The following CAPZB variants were observed in gnomAD, a reference collection of about 807,000 sequenced individuals.
CAPZB encodes capping actin protein of muscle Z-line subunit beta, also known as F-actin-capping protein subunit beta.
CAPZB carries 2 observed loss-of-function variants against 38.1 expected under a neutral mutation model. That is an observed-to-expected ratio of 0.05 (90% CI 0.02 to 0.17). CAPZB has a LOEUF of 0.17. Ranked by LOEUF, CAPZB falls within the 10% of genes least tolerant of loss-of-function variation. The pLI is 1.00. For missense variants in CAPZB, 161 were observed against 334.2 expected, an observed-to-expected ratio of 0.48 and a Z score of 4.04; for synonymous variants, 107 against 127.4, an observed-to-expected ratio of 0.84 and a Z score of 1.08.
chr1:19,463,700 G>C (rs1037566332), intron 1 of CAPZB, among the ~76,000 whole-genome samples: 2 of 152,118 alleles, frequency 1.3e-5, no homozygotes, highest in African/African-American at 4.8e-5. Context: ...AGACCACTTG[G>C]CACCCTTAGC....
At chr1:19,394,875 G>A (rs1250930574) in intron 2 of CAPZB, among the ~76,000 whole-genome samples, 1 of 152,176 alleles carries the variant, frequency 6.6e-6, no homozygotes. Flanking sequence ...AGAAGCTGTA[G>A]TTTGAATTTT....
At chr1:19,449,302 C>A (rs1384885151) in intron 1 of CAPZB, 11 of 1,035,088 alleles carry the variant, frequency 1.1e-5, no homozygotes, top group East Asian at 1.5e-4. Context: ...ACTGGCCTGG[C>A]GAGATGCGAG....
chr1:19,485,483 T>TCC lies in CAPZB; in HGVS notation c.-47_-46dup. The TCC allele has an allele frequency of 8.2e-7, 1 of 1,224,046 alleles. No individual in the cohort carries two copies. 75.8% of individuals were successfully genotyped at this position (1,224,046 alleles called of 1,614,324 possible). ...GTCCCGGTCCCGGCGTCAGTGGCTC[T>TCC]CCCCCCCGCAGCAGGGCCCGGCGCT... On this transcript the variant is annotated 5_prime_UTR_variant, in exon 1 of 9. An upstream open reading frame in the 5' UTR gains an earlier in-frame stop. Transcript: ENST00000264202.
chr1:19,372,175 C>A (rs2094122837), intron 4 of CAPZB, among the ~76,000 whole-genome samples: 1 of 152,246 alleles, frequency 6.6e-6, no homozygotes. Context: ...TACCCTCCCA[C>A]CCTGCTCCTC....
intron 1 of CAPZB, among the ~76,000 whole-genome samples, chr1:19,478,113 C>T (rs1342911314): frequency 1.3e-5 from 2 of 152,150 alleles, no homozygotes; most frequent in African/African-American, 4.8e-5. Flanking sequence ...TTCCAAGCTG[C>T]AATGTGGTAA....
intron 1 of CAPZB, among the ~76,000 whole-genome samples, chr1:19,421,808 G>A (rs913867443): frequency 2.0e-5 from 3 of 152,210 alleles, no homozygotes; most frequent in Admixed American, 2.0e-4. Flanking sequence ...ATCTTCCTTA[G>A]AGAGTGACAA....
chr1:19,359,495 C>A (rs1007442089), intron 4 of CAPZB, among the ~76,000 whole-genome samples: 10 of 152,170 alleles, frequency 6.6e-5, no homozygotes, highest in African/African-American at 9.7e-5. Flanking sequence ...CCAGCCCCTG[C>A]GGCAGGACCA....
At chr1:19,342,857 C>T in intron 8 of CAPZB, 1 of 1,593,276 alleles carries the variant, frequency 6.3e-7, no homozygotes, top group South Asian at 1.1e-5. Flanking sequence ...GGGATAGCAT[C>T]AATAGATCTA....
At chr1:19,360,112 T>A (rs1326131968) in intron 4 of CAPZB, among the ~76,000 whole-genome samples, 1 of 152,218 alleles carries the variant, frequency 6.6e-6, no homozygotes, top group Non-Finnish European at 1.5e-5. Context: ...AGGGCTCAGA[T>A]GACTGGCAGC....
chr1:19,373,101 C>G (rs150665310), intron 4 of CAPZB, among the ~76,000 whole-genome samples: 201 of 152,220 alleles, frequency 1.3e-3, no homozygotes, highest in African/African-American at 4.6e-3. Context: ...TCTTTCTGCC[C>G]CTGAGGATGG....
chr1:19,400,313 C>A (rs373574632), intron 2 of CAPZB, among the ~76,000 whole-genome samples: 1 of 152,200 alleles, frequency 6.6e-6, no homozygotes, highest in Non-Finnish European at 1.5e-5. Context: ...AAACCCCAGG[C>A]TCCAACTACA....
At chr1:19,477,706 A>T (rs2094611746) in intron 1 of CAPZB, among the ~76,000 whole-genome samples, 1 of 152,244 alleles carries the variant, frequency 6.6e-6, no homozygotes, top group African/African-American at 2.4e-5. Context: ...CTCAATTCTA[A>T]TTGGAAGCTC....
At position 19,417,856 on chromosome 1, in the gene CAPZB, G is replaced by A. The variant is rs538225114; in HGVS notation, c.93+1805C>T. On this transcript the variant is annotated intron_variant, in intron 2 of 8. Transcript: ENST00000264202. ...CAATGTTTAAAAATCAGGATATTCTGCTGGGCACTGTGGCTCACGCCTGTA... is the reference window on the plus strand; with the variant it reads ...CAATGTTTAAAAATCAGGATATTCTACTGGGCACTGTGGCTCACGCCTGTA... 1.4e-4 allele frequency among the ~76,000 whole-genome samples: 21 copies of A among 152,260 alleles called. 1 individual carries two copies. The South Asian group carries it at 3.9e-3, about 29-fold the overall frequency.
chr1:19,464,322 C>T (rs1434398552), intron 1 of CAPZB, among the ~76,000 whole-genome samples: 66 of 139,058 alleles, frequency 4.7e-4, no homozygotes, highest in African/African-American at 1.2e-3. Context: ...GATGGAGTCT[C>T]GCTCTGTCGC....
intron 6 of CAPZB, among the ~76,000 whole-genome samples, chr1:19,349,858 G>A (rs949990466): frequency 3.3e-5 from 5 of 152,176 alleles, no homozygotes; most frequent in African/African-American, 4.8e-5. Context: ...CCCCTTGCCC[G>A]CCCCTGCTCA....
intron 6 of CAPZB, among the ~76,000 whole-genome samples, chr1:19,352,037 A>G (rs1291630596): frequency 6.6e-6 from 1 of 152,228 alleles, no homozygotes; most frequent in Non-Finnish European, 1.5e-5. Flanking sequence ...GCAACCCCAC[A>G]GGACACGAGG....
intron 1 of CAPZB, among the ~76,000 whole-genome samples, chr1:19,431,276 A>G (rs1194162115): frequency 6.6e-6 from 1 of 152,200 alleles, no homozygotes; most frequent in Non-Finnish European, 1.5e-5. Flanking sequence ...AGGAATGGTC[A>G]ACCAGTAAGT....
intron 1 of CAPZB, among the ~76,000 whole-genome samples, chr1:19,462,759 T>C (rs2094556259): frequency 6.6e-6 from 1 of 152,246 alleles, no homozygotes; most frequent in African/African-American, 2.4e-5. Flanking sequence ...AAGTTCTCAA[T>C]GGGAGTCAAC....
At chr1:19,430,657 T>C (rs1458272855) in intron 1 of CAPZB, among the ~76,000 whole-genome samples, 1 of 152,108 alleles carries the variant, frequency 6.6e-6, no homozygotes, top group Non-Finnish European at 1.5e-5. Flanking sequence ...CATATATCTC[T>C]TACCCCTGCA....
Sources: allele counts gnomAD v4.1 joint callset (sites outside exome capture counted in the v4.1 genomes callset), GRCh38; gene constraint gnomAD v4.1.1; transcripts MANE v1.5; gene names NCBI Gene and HGNC (gene_info 2026-07-23, HGNC 2026-07-21).